PRKG1: variants seen among roughly 807,000 people sequenced by gnomAD.
PRKG1 encodes cGMP-dependent protein kinase 1.
In PRKG1, 35 loss-of-function variants were observed where a neutral mutation model predicts 88.1. The observed-to-expected ratio is 0.40, with a 90% confidence interval of 0.30 to 0.53. The LOEUF (loss-of-function observed/expected upper bound fraction) is 0.53. Among genes scored for constraint, PRKG1 ranks in the 20% least tolerant of loss-of-function variants. PRKG1 has a pLI of 0.59. For missense variants in PRKG1, 540 were observed against 839.8 expected (o/e 0.64, Z 4.41); for synonymous variants, 303 against 292.5 (o/e 1.04, Z -0.37).
chr10:51,036,332 G>A (rs1843354103), intron 1 of PRKG1, among the ~76,000 whole-genome samples: 2 of 152,132 alleles, frequency 1.3e-5, no homozygotes, highest in Admixed American at 1.3e-4. Flanking sequence ...ACAGATGAAT[G>A]ACAGGTATTA....
chr10:51,399,615 C>T (rs946715713), intron 2 of PRKG1, among the ~76,000 whole-genome samples: 3 of 152,104 alleles, frequency 2.0e-5, no homozygotes, highest in Admixed American at 2.0e-4. Flanking sequence ...AAATCAAAAC[C>T]AAAGCCACAT....
At chr10:51,084,220 G>A in intron 1 of PRKG1, among the ~76,000 whole-genome samples, 1 of 152,062 alleles carries the variant, frequency 6.6e-6, no homozygotes, top group East Asian at 1.9e-4. Flanking sequence ...TTTGGTTATT[G>A]CGCGTAATTG....
intron 1 of PRKG1, among the ~76,000 whole-genome samples, chr10:51,024,361 C>T (rs1843173919): frequency 6.6e-6 from 1 of 152,224 alleles, no homozygotes; most frequent in South Asian, 2.1e-4. Flanking sequence ...TCTCCCTGGT[C>T]TGTATCACAG....
intron 1 of PRKG1, among the ~76,000 whole-genome samples, chr10:51,017,496 T>C (rs745910949): frequency 6.6e-6 from 1 of 152,200 alleles, no homozygotes; most frequent in Non-Finnish European, 1.5e-5. Context: ...AAGTGCTTTG[T>C]AACACTTATG....
intron 2 of PRKG1, among the ~76,000 whole-genome samples, chr10:51,197,332 A>T (rs1276263578): frequency 2.6e-5 from 4 of 152,130 alleles, no homozygotes; most frequent in African/African-American, 9.6e-5. Flanking sequence ...GAGAGCAGTG[A>T]CATGATCTCG....
chr10:51,972,059 C>T (rs1843725588), intron 5 of PRKG1, among the ~76,000 whole-genome samples: 1 of 152,100 alleles, frequency 6.6e-6, no homozygotes, highest in Non-Finnish European at 1.5e-5. Flanking sequence ...TAAATGTCTT[C>T]TCTCTTCTTC....
At chr10:52,062,684 T>A in intron 7 of PRKG1, 53 bp downstream of exon 7, 1 of 1,408,498 alleles carries the variant, frequency 7.1e-7, no homozygotes, top group Non-Finnish European at 9.9e-7. Flanking sequence ...CATAAATTTC[T>A]GTCTGAAATT....
intron 2 of PRKG1, among the ~76,000 whole-genome samples, chr10:51,422,416 C>T (rs1430589844): frequency 2.0e-5 from 3 of 152,174 alleles, no homozygotes; most frequent in Non-Finnish European, 1.5e-5. Flanking sequence ...TGATTATTCA[C>T]GTGTTTTCAT....
At chr10:51,049,031 C>G (rs1843526256) in intron 1 of PRKG1, among the ~76,000 whole-genome samples, 1 of 152,044 alleles carries the variant, frequency 6.6e-6, no homozygotes, top group Admixed American at 6.6e-5. Context: ...TGCTCATGAA[C>G]CAAGCTGACA....
chr10:52,172,315 G>A (rs61847300), intron 9 of PRKG1, among the ~76,000 whole-genome samples: 4,931 of 152,218 alleles, frequency 0.032, 307 homozygotes, highest in East Asian at 0.31. Context: ...CTACTTGATT[G>A]CTGAGTCTGT....
At chr10:51,165,067 G>A (rs1030504653) in intron 2 of PRKG1, among the ~76,000 whole-genome samples, 4 of 152,030 alleles carry the variant, frequency 2.6e-5, no homozygotes, top group South Asian at 2.1e-4. Flanking sequence ...GATACTCCTC[G>A]AGAAGAGCAA....
intron 3 of PRKG1, among the ~76,000 whole-genome samples, chr10:51,692,472 T>C (rs962808793): frequency 5.9e-5 from 9 of 152,072 alleles, no homozygotes; most frequent in Admixed American, 5.2e-4. Flanking sequence ...CTGAATCTCC[T>C]GACCATGTGA....
At chr10:52,092,270 T>C (rs1306269581) in intron 7 of PRKG1, among the ~76,000 whole-genome samples, 2 of 152,184 alleles carry the variant, frequency 1.3e-5, no homozygotes, top group African/African-American at 2.4e-5. Flanking sequence ...TATTTATGTG[T>C]AAAGTAACAG....
At chr10:51,959,948 T>C (rs554429067) in intron 5 of PRKG1, among the ~76,000 whole-genome samples, 2 of 152,242 alleles carry the variant, frequency 1.3e-5, no homozygotes, top group South Asian at 4.1e-4. Context: ...AGATTGAAGA[T>C]ATCAAAATTA....
At chr10:51,515,858 A>G (rs981055446) in intron 3 of PRKG1, among the ~76,000 whole-genome samples, 2 of 152,152 alleles carry the variant, frequency 1.3e-5, no homozygotes, top group African/African-American at 2.4e-5. Context: ...TGCCTGCAGG[A>G]GCAAACTCCA....
At chr10:51,961,641 G>C (rs1221560021) in intron 5 of PRKG1, among the ~76,000 whole-genome samples, 1 of 152,160 alleles carries the variant, frequency 6.6e-6, no homozygotes, top group Admixed American at 6.6e-5. Flanking sequence ...TAGATTCATG[G>C]TGATTGTTAT....
At chr10:51,414,069 GA>G (rs567267874) in intron 2 of PRKG1, among the ~76,000 whole-genome samples, 38 of 152,216 alleles carry the variant, frequency 2.5e-4, no homozygotes, top group African/African-American at 8.9e-4. Flanking sequence ...TTCCTTATTT[GA>G]AAAAGAGGAT....
chr10:51,158,026 T>C (rs1846257942), intron 2 of PRKG1, among the ~76,000 whole-genome samples: 1 of 151,932 alleles, frequency 6.6e-6, no homozygotes. Context: ...GAACATTCAA[T>C]ATCCTCCTTG....
intron 3 of PRKG1, among the ~76,000 whole-genome samples, chr10:51,636,253 G>A (rs572537271): frequency 1.5e-4 from 23 of 152,072 alleles, no homozygotes; most frequent in East Asian, 5.8e-4. Context: ...AAATGACACC[G>A]CCCTAGGACT....
Sources: allele counts gnomAD v4.1 joint callset (sites outside exome capture counted in the v4.1 genomes callset), GRCh38; gene constraint gnomAD v4.1.1; transcripts MANE v1.5; gene names NCBI Gene and HGNC (gene_info 2026-07-23, HGNC 2026-07-21).